Variants in PBX1 observed in about 807,000 individuals in gnomAD.
The protein encoded by PBX1 is pre-B-cell leukemia transcription factor 1.
A neutral mutation model predicts 53.4 loss-of-function variants in PBX1; 6 were observed. The observed-to-expected ratio is 0.11, with a 90% CI of 0.06 to 0.22. The LOEUF is 0.22. Among genes scored for constraint, PBX1 ranks in the 10% least tolerant of loss-of-function variants. PBX1 has a pLI of 1.00. For synonymous variants in PBX1, 204 were observed against 212.3 expected, an observed-to-expected ratio of 0.96 and a Z score of 0.34; for missense variants, 251 against 551.4, an observed-to-expected ratio of 0.46 and a Z score of 5.46.
chr1:164,745,183 G>C (rs1665828152), intron 2 of PBX1, among the ~76,000 whole-genome samples: 1 of 152,098 alleles, frequency 6.6e-6, no homozygotes, highest in Non-Finnish European at 1.5e-5. Flanking sequence ...AGGAAGTTTA[G>C]ACTATATAGT....
At chr1:164,593,622 G>A (rs1458301058) in intron 2 of PBX1, among the ~76,000 whole-genome samples, 1 of 102,836 alleles carries the variant, frequency 9.7e-6, no homozygotes, top group Admixed American at 1.2e-4. Flanking sequence ...AGGTTGTGGC[G>A]GCGGGGTGGG....
intron 2 of PBX1, among the ~76,000 whole-genome samples, chr1:164,614,695 T>A (rs558571358): frequency 6.6e-6 from 1 of 152,218 alleles, no homozygotes; most frequent in East Asian, 1.9e-4. Flanking sequence ...CTTAATATAA[T>A]GTACTTGGTT....
chr1:164,604,393 T>A (rs767182995), intron 2 of PBX1, among the ~76,000 whole-genome samples: 47 of 152,214 alleles, frequency 3.1e-4, no homozygotes, highest in Admixed American at 2.6e-4. Context: ...CCCATTACTC[T>A]AAGGGTTACA....
intron 2 of PBX1, among the ~76,000 whole-genome samples, chr1:164,879,191 A>T (rs1421579796): frequency 6.6e-6 from 1 of 151,478 alleles, no homozygotes; most frequent in Non-Finnish European, 1.5e-5. Context: ...AGTGGAACAG[A>T]GGGAGAAAAA....
chr1:164,739,926 A>G (rs1317079118), intron 2 of PBX1, among the ~76,000 whole-genome samples: 5 of 152,162 alleles, frequency 3.3e-5, no homozygotes, highest in African/African-American at 1.2e-4. Flanking sequence ...CCCCAATACT[A>G]GAGGTTTGCG....
chr1:164,851,806 T>C lies in PBX1; in HGVS notation c.*5130T>C, dbSNP rs976151749. The stretch of plus-strand genomic sequence containing the variant: ...ACTGGTAATGCATATTCCAAATAAA[T>C]AGTTTCTTTTGTTGCAAAAAAAAAT... On this transcript the variant is annotated 3_prime_UTR_variant, in exon 9 of 9. Transcript: ENST00000420696. 5.7e-6 allele frequency: 1 copy of C among 174,692 alleles called. No homozygotes were observed. Among genetic ancestry groups the C allele is most frequent in the African/African-American group, 2.4e-5 (1 of 42,158 alleles). 10.8% of individuals were successfully genotyped at this position (174,692 alleles called of 1,614,324 possible).
intron 2 of PBX1, chr1:164,674,634 C>G (rs1661316164): frequency 6.6e-6 from 1 of 152,096 alleles, no homozygotes; most frequent in Non-Finnish European, 1.5e-5. Flanking sequence ...AAGCTGATGC[C>G]AACTAAATAG....
chr1:164,618,645 C>T (rs906086554), intron 2 of PBX1, among the ~76,000 whole-genome samples: 1 of 151,986 alleles, frequency 6.6e-6, no homozygotes, highest in Non-Finnish European at 1.5e-5. Context: ...GTTTTTTTAC[C>T]AAGCTCTGCT....
At chr1:164,597,937 A>G (rs1272521331) in intron 2 of PBX1, among the ~76,000 whole-genome samples, 1 of 152,114 alleles carries the variant, frequency 6.6e-6, no homozygotes, top group Non-Finnish European at 1.5e-5. Flanking sequence ...TTCTGTTGGT[A>G]TAACAATACC....
At chr1:164,574,164 T>C (rs1654063350) in intron 2 of PBX1, among the ~76,000 whole-genome samples, 1 of 152,214 alleles carries the variant, frequency 6.6e-6, no homozygotes. Context: ...CCATAGCTCT[T>C]CATTTTAGGT....
At chr1:164,688,307 C>T (rs1662247842) in intron 2 of PBX1, among the ~76,000 whole-genome samples, 3 of 152,090 alleles carry the variant, frequency 2.0e-5, no homozygotes, top group Admixed American at 2.0e-4. Context: ...TAGCAAGCTC[C>T]TATAAGTAGA....
At chr1:164,629,378 G>A (rs1355692136) in intron 2 of PBX1, among the ~76,000 whole-genome samples, 1 of 152,152 alleles carries the variant, frequency 6.6e-6, no homozygotes, top group Non-Finnish European at 1.5e-5. Context: ...TCCCTCACGG[G>A]CTCAGTTTTG....
At chr1:164,800,017 A>G in intron 4 of PBX1, 128 bp downstream of exon 4, 2 of 823,426 alleles carry the variant, frequency 2.4e-6, no homozygotes, top group Non-Finnish European at 3.7e-6. Flanking sequence ...TACCCTGAGG[A>G]TGGTTCTGCG....
chr1:164,794,244 T>G (rs2102307237), intron 3 of PBX1, among the ~76,000 whole-genome samples: 1 of 152,312 alleles, frequency 6.6e-6, no homozygotes, highest in Middle Eastern at 3.4e-3. Flanking sequence ...TGCAGTCCAC[T>G]TGTAACTATC....
At chr1:164,819,080 C>T (rs1395208607) in intron 6 of PBX1, 1 of 152,194 alleles carries the variant, frequency 6.6e-6, no homozygotes, top group Non-Finnish European at 1.5e-5. Context: ...TTTAACCAAA[C>T]CTTGCACGTT....
intron 2 of PBX1, among the ~76,000 whole-genome samples, chr1:164,861,928 T>C (rs1267549969): frequency 6.6e-6 from 1 of 152,190 alleles, no homozygotes; most frequent in East Asian, 1.9e-4. Flanking sequence ...TGTCAGATGA[T>C]GCAGTCAGAA....
intron 6 of PBX1, chr1:164,813,860 T>C (rs1669744115): frequency 6.6e-6 from 1 of 152,218 alleles, no homozygotes; most frequent in Non-Finnish European, 1.5e-5. Flanking sequence ...GTTTAAGAAA[T>C]ATGGTTGCCT....
chr1:164,796,213 G>A (rs1406942210), intron 3 of PBX1, among the ~76,000 whole-genome samples: 1 of 151,998 alleles, frequency 6.6e-6, no homozygotes, highest in Non-Finnish European at 1.5e-5. Flanking sequence ...GTTTCACCGT[G>A]TTAGCCAGGA....
At chr1:164,581,751 C>G (rs957942065) in intron 2 of PBX1, among the ~76,000 whole-genome samples, 2 of 152,160 alleles carry the variant, frequency 1.3e-5, no homozygotes, top group East Asian at 3.8e-4. Context: ...ATAATAGCAT[C>G]ATTATTACCA....
Sources: gnomAD v4.1 joint callset for allele counts (sites outside exome capture counted in the v4.1 genomes callset) on GRCh38, gnomAD v4.1.1 for gene constraint, MANE v1.5 for transcripts, NCBI Gene and HGNC (gene_info 2026-07-23, HGNC 2026-07-21) for gene names.